The following PGLYRP4 variants were observed in gnomAD, a reference collection of about 807,000 sequenced individuals.
PGLYRP4 encodes the protein PGRP-I-beta.
A neutral mutation model predicts 41.2 loss-of-function variants in PGLYRP4; 39 were observed. The ratio of observed to expected loss-of-function variants is 0.95; its 90% CI spans 0.73 to 1.24. The LOEUF (loss-of-function observed/expected upper bound fraction) is 1.24, where lower values mean the gene tolerates loss of function less well. Among genes scored for constraint, PGLYRP4 ranks in the 50% most tolerant of loss-of-function variants. The pLI is 0.00. For synonymous variants in PGLYRP4, 202 were observed against 186.8 expected, an observed-to-expected ratio of 1.08 and a Z score of -0.66; for missense variants, 467 against 460.7, an observed-to-expected ratio of 1.01 and a Z score of -0.13.
rs1361818466 is a variant in PGLYRP4, at chr1:153,341,926, AG to A, written c.473-148del. The A allele has an allele frequency of 7.3e-6, 5 of 684,612 alleles. No individual in the cohort carries two copies. The African/African-American group carries it at 9.0e-5, about 12-fold the overall frequency. 42.4% of individuals were successfully genotyped at this position (684,612 alleles called of 1,614,324 possible). On this transcript the variant is annotated intron_variant, in intron 5 of 8. Transcript: ENST00000359650. ...GTTATGCCCCCAGTTGGAGAGGCTG[AG>A]AATTAAGGATCTTCCTGGAAAGATC...
At chr1:153,347,812 T>G in intron 2 of PGLYRP4, 72 bp downstream of exon 2, 1 of 1,179,588 alleles carries the variant, frequency 8.5e-7, no homozygotes, top group South Asian at 1.3e-5. Context: ...AGTAGGTATT[T>G]TTTAATTCCT....
chr1:153,336,828 A>G (rs1306895363), intron 8 of PGLYRP4, among the ~76,000 whole-genome samples: 1 of 152,196 alleles, frequency 6.6e-6, no homozygotes, highest in African/African-American at 2.4e-5. Flanking sequence ...TTTGGCATAT[A>G]AGGAAAAGTG....
At chr1:153,346,421 G>A (rs56209554) in intron 2 of PGLYRP4, among the ~76,000 whole-genome samples, 14,038 of 152,118 alleles carry the variant, frequency 0.092, 989 homozygotes, top group African/African-American at 0.2. Context: ...GGATAGGCAA[G>A]GAGTTGGAAA....
At position 153,333,128 on chromosome 1, in the gene PGLYRP4, G is replaced by A. The variant is rs577207073; in HGVS notation, c.944-2183C>T. Among the ~76,000 whole-genome samples, 19 of 151,962 alleles carry A rather than the reference G, an allele frequency of 1.3e-4. 1 individual carries two copies. In the South Asian group the frequency reaches 3.5e-3, roughly 28 times the overall value. On this transcript the variant is annotated intron_variant, in intron 8 of 8. Coordinates refer to ENST00000359650, the MANE Select transcript of PGLYRP4 (RefSeq NM_020393.4). The stretch of plus-strand genomic sequence containing the variant: ...GAAAGGATCAATGAAACAAAAAGTT[G>A]GTTATTTGAAAAGATAAACAGAACA...
At chr1:153,339,316 C>G (rs1210125641) in intron 7 of PGLYRP4, among the ~76,000 whole-genome samples, 2 of 152,212 alleles carry the variant, frequency 1.3e-5, no homozygotes, top group Non-Finnish European at 2.9e-5. Flanking sequence ...TTGGTAGGTT[C>G]TGATACGTCA....
intron 7 of PGLYRP4, 27 bp from the exon 8 acceptor site, chr1:153,337,326 A>G: frequency 3.7e-6 from 5 of 1,337,718 alleles, no homozygotes; most frequent in Non-Finnish European, 5.3e-6. Context: ...GGAGATGGAG[A>G]CCAGCATGAA....
chr1:153,348,093 G>T, intron 1 of PGLYRP4, 115 bp from the exon 2 acceptor site: 1 of 622,332 alleles, frequency 1.6e-6, no homozygotes, highest in South Asian at 2.0e-5. Context: ...CCTCCTGAGG[G>T]CCAGCACCTG....
chr1:153,334,492 A>G lies in PGLYRP4; in HGVS notation c.943+2689T>C, dbSNP rs974412431. The stretch of plus-strand genomic sequence containing the variant: ...TTTATATATATTTATATATATATAC[A>G]CCAAGGAGGTGAAAGATCTCTACAA... On this transcript the variant is annotated intron_variant, in intron 8 of 8. Coordinates refer to ENST00000359650, the MANE Select transcript of PGLYRP4 (RefSeq NM_020393.4). Among the ~76,000 whole-genome samples, 15 of 147,438 alleles carry G rather than the reference A, an allele frequency of 1.0e-4. No individual in the cohort carries two copies. In the South Asian group the frequency reaches 2.7e-3, roughly 27 times the overall value.
At chr1:153,336,347 G>A (rs1247348344) in intron 8 of PGLYRP4, among the ~76,000 whole-genome samples, 3 of 121,268 alleles carry the variant, frequency 2.5e-5, no homozygotes, top group African/African-American at 6.5e-5. Context: ...TCCAGCCTGG[G>A]TGACAGAGCG....
intron 8 of PGLYRP4, 76 bp downstream of exon 8, chr1:153,337,105 G>A: frequency 9.2e-7 from 1 of 1,087,598 alleles, no homozygotes; most frequent in Non-Finnish European, 1.4e-6. Flanking sequence ...GCTTGAGACT[G>A]AGACTTTGTC....
At chr1:153,346,859 C>T (rs537960188) in intron 2 of PGLYRP4, among the ~76,000 whole-genome samples, 37 of 152,270 alleles carry the variant, frequency 2.4e-4, no homozygotes, top group African/African-American at 8.7e-4. Flanking sequence ...TCATTTAATC[C>T]TCACAGTGAG....
chr1:153,343,257 C>T (rs1660871275), intron 4 of PGLYRP4, 49 bp from the exon 5 acceptor site: 1 of 1,313,154 alleles, frequency 7.6e-7, no homozygotes, highest in Admixed American at 1.8e-5. Flanking sequence ...GTAGGACATT[C>T]CTGAGAGGTG....
At chr1:153,338,877 A>G (rs558901113) in intron 7 of PGLYRP4, among the ~76,000 whole-genome samples, 10 of 152,246 alleles carry the variant, frequency 6.6e-5, no homozygotes, top group African/African-American at 2.4e-4. Flanking sequence ...ACTAGAACTT[A>G]TTTGTTTGAA....
In PGLYRP4 at chr1:153,347,906, A is replaced by G. The variant is rs774586731; in HGVS notation, c.27T>C (p.Ser9=). The G allele has an allele frequency of 3.7e-6, 6 of 1,613,520 alleles. No individual in the cohort carries two copies. Among genetic ancestry groups the G allele is most frequent in the Non-Finnish European group, 5.1e-6 (6 of 1,179,600 alleles). The change falls in exon 2 of 9, where the codon TCT becomes TCC. Residue 9 remains serine, a synonymous_variant. Transcript: ENST00000359650. The stretch of plus-strand genomic sequence containing the variant: ...TACCCCAGGCCTGGATACCCAGAGC[A>G]GAGAAGACAAGAAGCCACGGCAGCA... MLPWLLVF[S]ALGIQAWGDS...
intron 7 of PGLYRP4, among the ~76,000 whole-genome samples, chr1:153,337,525 A>T (rs11807806): frequency 0.068 from 10,402 of 152,232 alleles, 437 homozygotes; most frequent in African/African-American, 0.12. Context: ...CCCAATTTAC[A>T]GCATATGCTG....
At chr1:153,339,844 G>A (rs563929966) in intron 7 of PGLYRP4, among the ~76,000 whole-genome samples, 2 of 152,252 alleles carry the variant, frequency 1.3e-5, no homozygotes, top group Non-Finnish European at 2.9e-5. Context: ...ACAGACCTTA[G>A]CATTAGAGAA....
chr1:153,338,214 C>T (rs1172289915), intron 7 of PGLYRP4, among the ~76,000 whole-genome samples: 4 of 152,216 alleles, frequency 2.6e-5, no homozygotes, highest in Non-Finnish European at 4.4e-5. Flanking sequence ...CCACCCACTT[C>T]ATCCACTCGT....
chr1:153,345,440 G>A (rs1660968307), intron 3 of PGLYRP4, 58 bp from the exon 4 acceptor site: 1 of 1,483,736 alleles, frequency 6.7e-7, no homozygotes, highest in Non-Finnish European at 9.4e-7. Flanking sequence ...CCGCCAAGCT[G>A]AACATGCAGG....
At position 153,345,291 on chromosome 1, in the gene PGLYRP4, A is replaced by G; in HGVS notation, c.231T>C (p.Asn77=). The part of the protein sequence containing the change: ...GCSIQLTTPV[N]VLVIHHVPGL... ...CAGGGACATGGTGTATAACAAGGAC[A>G]TTCACTGGCGTGGTCAGCTGAATAC... Residue 77 remains asparagine (N), a synonymous_variant, in exon 4 of 9, where the codon AAT becomes AAC. Transcript: ENST00000359650. 2 of 1,614,176 alleles carry G rather than the reference A, an allele frequency of 1.2e-6. No homozygotes were observed. Among genetic ancestry groups the G allele is most frequent in the Non-Finnish European group, 1.7e-6 (2 of 1,180,016 alleles).
Sources: allele counts gnomAD v4.1 joint callset (sites outside exome capture counted in the v4.1 genomes callset), GRCh38; gene constraint gnomAD v4.1.1; transcripts MANE v1.5; gene names NCBI Gene and HGNC (gene_info 2026-07-23, HGNC 2026-07-21).